The following CTNNA3 variants were observed in gnomAD, a reference collection of about 807,000 sequenced individuals.
The protein encoded by CTNNA3 is catenin alpha-3.
Under a neutral mutation model 95.7 loss-of-function variants are expected in CTNNA3, and 76 were observed. The observed-to-expected ratio is 0.79, with a 90% CI of 0.66 to 0.96. CTNNA3 has a LOEUF of 0.96. Among genes scored for constraint, CTNNA3 ranks in the 40% least tolerant of loss-of-function variants. The pLI is 0.00. For missense variants in CTNNA3, 1,191 were observed against 1,089.8 expected (o/e 1.09, Z -1.31); for synonymous variants, 431 against 374.4 (o/e 1.15, Z -1.74).
At chr10:67,458,874 G>A (rs1241417666) in intron 5 of CTNNA3, among the ~76,000 whole-genome samples, 1 of 150,514 alleles carries the variant, frequency 6.6e-6, no homozygotes, top group African/African-American at 2.5e-5. Context: ...TGAGATTTGG[G>A]TGGGGACAAA....
chr10:66,478,366 C>A (rs1034178997), intron 11 of CTNNA3, among the ~76,000 whole-genome samples: 2 of 151,908 alleles, frequency 1.3e-5, no homozygotes, highest in Admixed American at 6.6e-5. Flanking sequence ...AATATTTAAT[C>A]AGATTTAATA....
chr10:66,437,456 C>G (rs2093345903), intron 11 of CTNNA3, among the ~76,000 whole-genome samples: 1 of 152,022 alleles, frequency 6.6e-6, no homozygotes, highest in African/African-American at 2.4e-5. Context: ...TCTCTGATAT[C>G]CTTTCTTCCA....
intron 5 of CTNNA3, among the ~76,000 whole-genome samples, chr10:67,475,731 T>C (rs1018552519): frequency 9.2e-5 from 14 of 152,214 alleles, no homozygotes; most frequent in African/African-American, 3.4e-4. Context: ...ATCATGACTT[T>C]ATATTCATTA....
At chr10:67,450,943 G>C (rs183795635) in intron 5 of CTNNA3, among the ~76,000 whole-genome samples, 1 of 151,960 alleles carries the variant, frequency 6.6e-6, no homozygotes, top group African/African-American at 2.4e-5. Flanking sequence ...CTTAGAACCT[G>C]CTATGGTTTG....
In CTNNA3 at chr10:67,706,832, C is replaced by T. The variant is rs538266197; in HGVS notation, c.-2+56602G>A. Among the ~76,000 whole-genome samples the T allele has an allele frequency of 1.7e-4, 26 of 152,210 alleles. No homozygotes were observed. The South Asian group carries it at 5.2e-3, about 30-fold the overall frequency. The stretch of plus-strand genomic sequence containing the variant: ...CCCAACTTTGTATCCTAGTCCAGAC[C>T]TCTCTCATGACCCCCACAGCAATAT... On this transcript the variant is annotated intron_variant, in intron 1 of 17. Transcript: ENST00000684154.
intron 7 of CTNNA3, among the ~76,000 whole-genome samples, chr10:66,879,304 A>G (rs920672057): frequency 6.6e-6 from 1 of 152,164 alleles, no homozygotes; most frequent in African/African-American, 2.4e-5. Context: ...CTGCTTATAA[A>G]AACCAAGCAA....
chr10:67,367,631 C>T (rs1267082269), intron 5 of CTNNA3, among the ~76,000 whole-genome samples: 3 of 152,160 alleles, frequency 2.0e-5, no homozygotes, highest in Non-Finnish European at 4.4e-5. Context: ...TTCATCACAG[C>T]ACTATTCACA....
At chr10:67,759,719 C>T (rs1179013824) in intron 1 of CTNNA3, among the ~76,000 whole-genome samples, 3 of 152,128 alleles carry the variant, frequency 2.0e-5, no homozygotes, top group South Asian at 2.1e-4. Flanking sequence ...GAGGAATTAT[C>T]GTGCTGACCT....
At chr10:66,077,339 T>C (rs2080586934) in intron 14 of CTNNA3, among the ~76,000 whole-genome samples, 1 of 151,780 alleles carries the variant, frequency 6.6e-6, no homozygotes, top group African/African-American at 2.4e-5. Context: ...ACAAATAACA[T>C]TTTCTACAAT....
chr10:66,806,442 A>T (rs1841646502), intron 7 of CTNNA3, among the ~76,000 whole-genome samples: 1 of 152,038 alleles, frequency 6.6e-6, no homozygotes, highest in African/African-American at 2.4e-5. Context: ...TCCAAGCTTT[A>T]ATCACTGTAC....
intron 13 of CTNNA3, among the ~76,000 whole-genome samples, chr10:66,269,580 T>C (rs2091232759): frequency 6.6e-6 from 1 of 152,218 alleles, no homozygotes; most frequent in Non-Finnish European, 1.5e-5. Flanking sequence ...CTGATTTCTG[T>C]TCCAAACATT....
chr10:66,438,677 T>A (rs934205699), intron 11 of CTNNA3, among the ~76,000 whole-genome samples: 1 of 152,124 alleles, frequency 6.6e-6, no homozygotes, highest in African/African-American at 2.4e-5. Context: ...CTCCCTGGCT[T>A]CAGCCCCCTT....
chr10:66,128,673 G>C (rs1564676700), intron 13 of CTNNA3, among the ~76,000 whole-genome samples: 1 of 152,146 alleles, frequency 6.6e-6, no homozygotes, highest in Non-Finnish European at 1.5e-5. Context: ...AACACAGAAG[G>C]CTTTTAGGGC....
intron 15 of CTNNA3, among the ~76,000 whole-genome samples, chr10:65,998,931 A>C (rs965561790): frequency 6.6e-6 from 1 of 152,104 alleles, no homozygotes; most frequent in Admixed American, 6.6e-5. Flanking sequence ...AGGCCCTTTC[A>C]TTGCCCTTTT....
chr10:67,221,820 C>T (rs1287997875), intron 5 of CTNNA3, among the ~76,000 whole-genome samples: 4 of 151,904 alleles, frequency 2.6e-5, no homozygotes, highest in East Asian at 1.9e-4. Flanking sequence ...GTGATCCGCC[C>T]GCCTCGGCCT....
At chr10:67,569,646 A>T (rs957274578) in intron 3 of CTNNA3, among the ~76,000 whole-genome samples, 1 of 152,158 alleles carries the variant, frequency 6.6e-6, no homozygotes, top group African/African-American at 2.4e-5. Context: ...TAACAGAGTG[A>T]CCTAAAGTTT....
At chr10:66,421,545 A>G (rs1003633233) in intron 11 of CTNNA3, among the ~76,000 whole-genome samples, 15 of 152,078 alleles carry the variant, frequency 9.9e-5, no homozygotes, top group African/African-American at 3.6e-4. Flanking sequence ...TTATGTATCC[A>G]TAAAAAGTGA....
chr10:66,687,728 C>T (rs1182704620), intron 9 of CTNNA3, among the ~76,000 whole-genome samples: 11 of 99,776 alleles, frequency 1.1e-4, no homozygotes, highest in African/African-American at 5.9e-4. Context: ...TACACACACA[C>T]ACACATACAC....
chr10:67,640,607 C>T (rs1159376220), intron 2 of CTNNA3, among the ~76,000 whole-genome samples: 1 of 152,168 alleles, frequency 6.6e-6, no homozygotes, highest in East Asian at 1.9e-4. Flanking sequence ...TCAAACTATA[C>T]TACAAGACTA....
Sources: allele counts gnomAD v4.1 joint callset (sites outside exome capture counted in the v4.1 genomes callset), GRCh38; gene constraint gnomAD v4.1.1; transcripts MANE v1.5; gene names NCBI Gene and HGNC (gene_info 2026-07-23, HGNC 2026-07-21).